DISC1: variants seen among roughly 807,000 people sequenced by gnomAD.
DISC1 encodes the protein DISC1 scaffold protein, also known as disrupted in schizophrenia 1 protein.
DISC1 carries 57 observed loss-of-function variants against 84.5 expected under a neutral mutation model. The ratio of observed to expected loss-of-function variants is 0.67; its 90% confidence interval spans 0.55 to 0.84. The LOEUF (loss-of-function observed/expected upper bound fraction) is 0.84, where lower values mean the gene tolerates loss of function less well. Among genes scored for constraint, DISC1 ranks in the 40% least tolerant of loss-of-function variants. The probability of loss-of-function intolerance (pLI) is 0.00; values close to 1 mark genes in which losing one functional copy is unlikely to be tolerated. For missense variants in DISC1, 1,000 were observed against 1,057.8 expected, an observed-to-expected ratio of 0.95 and a Z score of 0.76; for synonymous variants, 411 against 415.2, an observed-to-expected ratio of 0.99 and a Z score of 0.12.
chr1:231,705,041 A>C (rs1351011963), intron 3 of DISC1, among the ~76,000 whole-genome samples: 1 of 151,558 alleles, frequency 6.6e-6, no homozygotes, highest in South Asian at 2.1e-4. Context: ...TGTCCCTTAA[A>C]ATACAGACAG....
chr1:231,892,001 A>G (rs2087267846), intron 9 of DISC1, among the ~76,000 whole-genome samples: 1 of 152,108 alleles, frequency 6.6e-6, no homozygotes, highest in African/African-American at 2.4e-5. Context: ...TGCCAAGAAT[A>G]TTTCTGGCTG....
chr1:231,722,734 A>G (rs2069988411), intron 3 of DISC1: 9 of 1,535,174 alleles, frequency 5.9e-6, no homozygotes, highest in Non-Finnish European at 7.9e-6. Context: ...TCAGGGTAGC[A>G]TCATATTCCT....
chr1:231,683,505 C>T (rs372571498), intron 1 of DISC1, among the ~76,000 whole-genome samples: 7 of 147,238 alleles, frequency 4.8e-5, no homozygotes, highest in East Asian at 2.0e-4. Context: ...GGCTCACTGC[C>T]GCCTTGCCTT....
intron 9 of DISC1, among the ~76,000 whole-genome samples, chr1:231,855,853 A>G (rs966633595): frequency 2.0e-5 from 3 of 152,206 alleles, no homozygotes; most frequent in African/African-American, 7.2e-5. Context: ...TCACGTGCAT[A>G]TTCCAAAAAA....
At chr1:231,937,407 CA>C (rs1447667288) in intron 9 of DISC1, among the ~76,000 whole-genome samples, 1 of 152,168 alleles carries the variant, frequency 6.6e-6, no homozygotes, top group Non-Finnish European at 1.5e-5. Context: ...TTTCAGAGAT[CA>C]GGGGGATCGA....
intron 9 of DISC1, among the ~76,000 whole-genome samples, chr1:231,912,934 G>A (rs2089355893): frequency 6.9e-6 from 1 of 145,688 alleles, no homozygotes; most frequent in Non-Finnish European, 1.5e-5. Flanking sequence ...TCTTTTGATA[G>A]GATCTTGCTG....
intron 1 of DISC1, among the ~76,000 whole-genome samples, chr1:231,631,307 A>G (rs2058689275): frequency 6.6e-6 from 1 of 152,256 alleles, no homozygotes; most frequent in African/African-American, 2.4e-5. Context: ...GAGTGGTCCC[A>G]TAAGATTATA....
At chr1:231,683,831 A>C (rs759409527) in intron 1 of DISC1, among the ~76,000 whole-genome samples, 1 of 151,452 alleles carries the variant, frequency 6.6e-6, no homozygotes, top group East Asian at 1.9e-4. Context: ...GCCTATTCCC[A>C]TCCTGTCTTC....
intron 1 of DISC1, among the ~76,000 whole-genome samples, chr1:231,641,115 G>T (rs201707702): frequency 6.6e-6 from 1 of 152,222 alleles, no homozygotes; most frequent in Non-Finnish European, 1.5e-5. Context: ...ATACCAACCA[G>T]CAATGACAAT....
intron 10 of DISC1, among the ~76,000 whole-genome samples, chr1:232,005,867 A>G (rs927755438): frequency 1.3e-4 from 20 of 152,198 alleles, no homozygotes; most frequent in African/African-American, 4.6e-4. Flanking sequence ...ATAGGTCTGT[A>G]GAAAATATCT....
intron 3 of DISC1, among the ~76,000 whole-genome samples, chr1:231,720,280 G>A (rs1273035490): frequency 6.6e-6 from 1 of 152,058 alleles, no homozygotes. Flanking sequence ...GTCTTTGTAA[G>A]CTGTCTTCCT....
chr1:231,908,420 T>C (rs1306286783), intron 9 of DISC1, among the ~76,000 whole-genome samples: 1 of 152,252 alleles, frequency 6.6e-6, no homozygotes, highest in Non-Finnish European at 1.5e-5. Flanking sequence ...CAGCACCATT[T>C]ATTAAATAGG....
At chr1:231,926,944 A>C (rs2090390163) in intron 9 of DISC1, among the ~76,000 whole-genome samples, 1 of 152,210 alleles carries the variant, frequency 6.6e-6, no homozygotes, top group South Asian at 2.1e-4. Flanking sequence ...TTTTCTCAGA[A>C]GGCTATTGGC....
At chr1:231,765,195 C>CAAAAAAAAA (rs71179793) in intron 4 of DISC1, among the ~76,000 whole-genome samples, 5 of 93,266 alleles carry the variant, frequency 5.4e-5, no homozygotes, top group African/African-American at 8.9e-5. Context: ...GTCCACCCTA[C>CAAAAAAAAA]AAAAAAAAAA....
intron 9 of DISC1, among the ~76,000 whole-genome samples, chr1:231,934,438 C>T (rs1010206236): frequency 6.6e-6 from 1 of 152,210 alleles, no homozygotes; most frequent in South Asian, 2.1e-4. Flanking sequence ...AGCTCAAGAA[C>T]AGCTGCTCTT....
intron 3 of DISC1, among the ~76,000 whole-genome samples, chr1:231,737,232 A>G (rs927770505): frequency 2.0e-5 from 3 of 152,256 alleles, no homozygotes; most frequent in African/African-American, 7.2e-5. Flanking sequence ...TATATTATCA[A>G]TTGGAACATA....
intron 1 of DISC1, among the ~76,000 whole-genome samples, chr1:231,664,041 T>TCCAA (rs1289000919): frequency 2.0e-5 from 3 of 150,222 alleles, no homozygotes; most frequent in African/African-American, 7.4e-5. Flanking sequence ...CATCTATCTA[T>TCCAA]CCATCCATCC....
intron 9 of DISC1, among the ~76,000 whole-genome samples, chr1:231,910,450 G>A (rs2089104423): frequency 6.6e-6 from 1 of 152,050 alleles, no homozygotes. Flanking sequence ...GTCATTCAGG[G>A]GCAGGTTGTT....
At chr1:231,876,623 A>G (rs12027838) in intron 9 of DISC1, among the ~76,000 whole-genome samples, 16,668 of 152,146 alleles carry the variant, frequency 0.11, 1,105 homozygotes, top group East Asian at 0.32. Context: ...GATAGTTGCA[A>G]TCTGGGTTTT....
Sources: gnomAD v4.1 joint callset for allele counts (sites outside exome capture counted in the v4.1 genomes callset) on GRCh38, gnomAD v4.1.1 for gene constraint, MANE v1.5 for transcripts, NCBI Gene and HGNC (gene_info 2026-07-23, HGNC 2026-07-21) for gene names.